Variants in SNTG2 observed in about 807,000 individuals in gnomAD.
The protein encoded by SNTG2 is syntrophin gamma 2.
SNTG2 carries 74 observed loss-of-function variants against 70.9 expected under a neutral mutation model. That is an observed-to-expected ratio of 1.04 (90% CI 0.86 to 1.27). The LOEUF (loss-of-function observed/expected upper bound fraction) is 1.27. Among genes scored for constraint, SNTG2 ranks in the 50% most tolerant of loss-of-function variants. The pLI is 0.00. For synonymous variants in SNTG2, 278 were observed against 273.8 expected (o/e 1.02, Z -0.15); for missense variants, 717 against 690.7 (o/e 1.04, Z -0.43).
In SNTG2 at chr2:956,268, C is replaced by CCCTGCCCCTGCACCTCCCCCTGCG. The variant is rs1186871530; in HGVS notation, c.72+5212_72+5235dup. Among the ~76,000 whole-genome samples the CCCTGCCCCTGCACCTCCCCCTGCG allele has an allele frequency of 3.4e-5, 5 of 146,000 alleles. No homozygotes were observed. In the East Asian group the frequency reaches 8.5e-4, roughly 25 times the overall value. On this transcript the variant is annotated intron_variant, in intron 1 of 16. Coordinates refer to ENST00000308624, the MANE Select transcript of SNTG2 (RefSeq NM_018968.4). The stretch of plus-strand genomic sequence containing the variant: ...CGCCCCGCCCCTGCGCCTCCCCCTG[C>CCCTGCCCCTGCACCTCCCCCTGCG]CCTGCCCCTGCACCTCCCCCTGCGC...
chr2:1,323,644 A>G (rs200973260), intron 16 of SNTG2, among the ~76,000 whole-genome samples: 20 of 143,488 alleles, frequency 1.4e-4, no homozygotes, highest in African/African-American at 3.4e-4. Flanking sequence ...AAGACCCCCC[A>G]GTAGACTGGG....
intron 15 of SNTG2, among the ~76,000 whole-genome samples, chr2:1,314,246 G>A (rs2148259863): frequency 6.7e-6 from 1 of 148,692 alleles, no homozygotes. Context: ...TGAGAAATTA[G>A]GCAAAACCTC....
intron 6 of SNTG2, among the ~76,000 whole-genome samples, chr2:1,150,825 C>T (rs1462194626): frequency 6.6e-6 from 1 of 152,152 alleles, no homozygotes; most frequent in African/African-American, 2.4e-5. Context: ...TCATGAATAG[C>T]CCTGTGTGGA....
Position 1,051,020 on chromosome 2 carries a change from TC to T in SNTG2, c.73-32497del, listed in dbSNP as rs1220237830. On this transcript the variant is annotated intron_variant, in intron 1 of 16. Coordinates refer to ENST00000308624, the MANE Select transcript of SNTG2 (RefSeq NM_018968.4). ...TAATAAACTGATATTTTTATTAATT[TC>T]AAAGATTAATTGCTTATCTGTTTTC... Among the ~76,000 whole-genome samples, 3 of 152,366 alleles carry T rather than the reference TC, an allele frequency of 2.0e-5. No individual in the cohort carries two copies. The East Asian group carries it at 5.8e-4, about 29-fold the overall frequency.
chr2:1,218,229 G>T (rs1674525631), intron 9 of SNTG2, among the ~76,000 whole-genome samples: 1 of 152,090 alleles, frequency 6.6e-6, no homozygotes, highest in African/African-American at 2.4e-5. Context: ...ATGTGTTCAG[G>T]CTGTACCCCT....
intron 7 of SNTG2, among the ~76,000 whole-genome samples, chr2:1,171,968 C>A (rs750644377): frequency 6.6e-6 from 1 of 152,080 alleles, no homozygotes; most frequent in African/African-American, 2.4e-5. Flanking sequence ...TATGTGGTGC[C>A]GATTGTTCTT....
intron 16 of SNTG2, among the ~76,000 whole-genome samples, chr2:1,318,077 C>A (rs1441392978): frequency 6.6e-6 from 1 of 152,134 alleles, no homozygotes; most frequent in East Asian, 1.9e-4. Flanking sequence ...AGACCTTAGA[C>A]CTTTTAAATT....
intron 4 of SNTG2, among the ~76,000 whole-genome samples, chr2:1,119,202 G>GT (rs1399492013): frequency 6.6e-6 from 1 of 151,912 alleles, no homozygotes; most frequent in Non-Finnish European, 1.5e-5. Flanking sequence ...AATGGAGAAA[G>GT]TAAGTCTTTC....
intron 13 of SNTG2, among the ~76,000 whole-genome samples, chr2:1,261,627 A>G (rs1458564644): frequency 6.6e-6 from 1 of 152,158 alleles, no homozygotes; most frequent in African/African-American, 2.4e-5. Flanking sequence ...TGTGAAATCC[A>G]CGGGTCCATC....
intron 4 of SNTG2, among the ~76,000 whole-genome samples, chr2:1,100,633 G>T: frequency 6.6e-6 from 1 of 152,288 alleles, no homozygotes; most frequent in East Asian, 1.9e-4. Flanking sequence ...TGTGTCGGGC[G>T]TGGTTGGTTC....
intron 1 of SNTG2, among the ~76,000 whole-genome samples, chr2:1,077,643 G>C (rs377445710): frequency 2.7e-4 from 41 of 152,114 alleles, no homozygotes; most frequent in Middle Eastern, 6.8e-3. Flanking sequence ...AGAACTTCTG[G>C]CTTTTGAGTC....
chr2:1,262,305 G>A (rs1457836220), intron 13 of SNTG2, among the ~76,000 whole-genome samples: 1 of 152,098 alleles, frequency 6.6e-6, no homozygotes, highest in Non-Finnish European at 1.5e-5. Flanking sequence ...ATGACAGGAG[G>A]TGGTTGCACA....
intron 16 of SNTG2, among the ~76,000 whole-genome samples, chr2:1,336,363 C>T (rs897713703): frequency 6.6e-6 from 1 of 152,162 alleles, no homozygotes; most frequent in South Asian, 2.1e-4. Flanking sequence ...TGGATATTAA[C>T]CCCTTATCAA....
rs559244441 is a variant in SNTG2 at position 1,268,135 on chromosome 2, A to T, written c.1284+564A>T. 5.9e-5 allele frequency among the ~76,000 whole-genome samples: 9 copies of T among 152,304 alleles called. No homozygotes were observed. The South Asian group carries it at 1.7e-3, about 28-fold the overall frequency. Reference sequence around the variant, plus strand: ...AAGGGATGAGGAAGAATGCATTATAATCCTCCTTATCCTAAATAGCGGGAT... The same window carrying T: ...AAGGGATGAGGAAGAATGCATTATATTCCTCCTTATCCTAAATAGCGGGAT... On this transcript the variant is annotated intron_variant, in intron 14 of 16. Coordinates refer to ENST00000308624, the MANE Select transcript of SNTG2 (RefSeq NM_018968.4).
chr2:1,205,182 C>T (rs1259552260), intron 8 of SNTG2, among the ~76,000 whole-genome samples: 1 of 152,032 alleles, frequency 6.6e-6, no homozygotes, highest in African/African-American at 2.4e-5. Flanking sequence ...ACATACATGC[C>T]TTGAGGAGGC....
intron 7 of SNTG2, among the ~76,000 whole-genome samples, chr2:1,170,710 A>G (rs761359871): frequency 2.6e-5 from 4 of 152,142 alleles, no homozygotes; most frequent in Non-Finnish European, 5.9e-5. Flanking sequence ...ATACGGACCC[A>G]TGTACATACC....
At chr2:1,153,453 A>G (rs1337666984) in intron 6 of SNTG2, among the ~76,000 whole-genome samples, 2 of 152,242 alleles carry the variant, frequency 1.3e-5, no homozygotes, top group Non-Finnish European at 2.9e-5. Context: ...TGACACATCA[A>G]AAGGATCTGC....
rs1022164607 is a variant in SNTG2 at position 1,165,598 on chromosome 2, T to G, written c.462T>G (p.Tyr154Ter). Reference sequence around the variant, plus strand: ...ATGAAGTTACCATCACCGTTGAGTATCTCAGGGAAGCGCCGGCATTTCTGA... The same window carrying G: ...ATGAAGTTACCATCACCGTTGAGTAGCTCAGGGAAGCGCCGGCATTTCTGA... ...AGDEVTITVE[Y>*]LREAPAFLKL... Residue 154 changes from tyrosine (Y) to a stop codon, truncating the protein, a stop_gained, in exon 7 of 17, where the codon TAT (tyrosine) becomes TAG (stop). Coordinates refer to ENST00000308624, the MANE Select transcript of SNTG2 (RefSeq NM_018968.4). LOFTEE classifies it high-confidence loss of function. 6.2e-7 allele frequency: 1 copy of G among 1,613,142 alleles called. No individual in the cohort carries two copies. Among genetic ancestry groups the G allele is most frequent in the Non-Finnish European group, 8.5e-7 (1 of 1,179,626 alleles).
intron 1 of SNTG2, among the ~76,000 whole-genome samples, chr2:963,899 T>A (rs1660440738): frequency 6.6e-6 from 1 of 152,176 alleles, no homozygotes. Context: ...AAATCTGTCT[T>A]CATTTTCTTC....
Sources: allele counts gnomAD v4.1 joint callset (sites outside exome capture counted in the v4.1 genomes callset), GRCh38; gene constraint gnomAD v4.1.1; transcripts MANE v1.5; gene names NCBI Gene and HGNC (gene_info 2026-07-23, HGNC 2026-07-21).